PAK2: variants seen among roughly 807,000 people sequenced by gnomAD.
PAK2 encodes the protein serine/threonine-protein kinase PAK 2.
A neutral mutation model predicts 65.9 loss-of-function variants in PAK2; 21 were observed. The observed-to-expected ratio is 0.32, with a 90% CI of 0.23 to 0.46. PAK2 has a LOEUF of 0.46. Among genes scored for constraint, PAK2 ranks in the 20% least tolerant of loss-of-function variants. The pLI, the probability that PAK2 is intolerant of heterozygous loss-of-function variation, is 1.00. For missense variants in PAK2, 324 were observed against 642.6 expected, an observed-to-expected ratio of 0.50 and a Z score of 5.36; for synonymous variants, 204 against 219.7, an observed-to-expected ratio of 0.93 and a Z score of 0.63.
At chr3:196,813,139 G>A (rs1032456761) in intron 10 of PAK2, among the ~76,000 whole-genome samples, 3 of 152,080 alleles carry the variant, frequency 2.0e-5, no homozygotes, top group Non-Finnish European at 2.9e-5. Flanking sequence ...GCTGTGATTC[G>A]TGTCTTGACT....
At chr3:196,758,183 C>G (rs1713829713) in intron 1 of PAK2, among the ~76,000 whole-genome samples, 1 of 152,206 alleles carries the variant, frequency 6.6e-6, no homozygotes, top group Non-Finnish European at 1.5e-5. Context: ...TCACTGGGTC[C>G]TTGCCTGTGG....
rs58175165 is a variant in PAK2, at chr3:196,792,798, G to GAAAA, written c.188-9125_188-9122dup. 3.5e-3 allele frequency among the ~76,000 whole-genome samples: 532 copies of GAAAA among 150,114 alleles called. 3 individuals are homozygous for GAAAA. The highest frequency in any genetic ancestry group is 0.011 in the East Asian group (55 of 5,066). On this transcript the variant is annotated intron_variant, in intron 2 of 14. Coordinates refer to ENST00000327134, the MANE Select transcript of PAK2 (RefSeq NM_002577.4). Reference sequence around the variant, plus strand: ...CTCCCAAGACCCAACTAAAATGACAGAAAAAAATATATATATATACACACA... The same window carrying GAAAA: ...CTCCCAAGACCCAACTAAAATGACAGAAAAAAAAAAATATATATATATACACACA...
At chr3:196,751,577 G>A (rs1309688361) in intron 1 of PAK2, among the ~76,000 whole-genome samples, 2 of 148,776 alleles carry the variant, frequency 1.3e-5, no homozygotes, top group East Asian at 3.9e-4. Context: ...AGCCCAGAGG[G>A]CGGAGGTTGC....
chr3:196,796,326 G>A (rs750989885), intron 2 of PAK2, among the ~76,000 whole-genome samples: 1 of 152,166 alleles, frequency 6.6e-6, no homozygotes, highest in Non-Finnish European at 1.5e-5. Context: ...AAAGTCATTC[G>A]CAAAAGACTG....
At chr3:196,772,058 T>C (rs1420111179) in intron 1 of PAK2, among the ~76,000 whole-genome samples, 1 of 152,224 alleles carries the variant, frequency 6.6e-6, no homozygotes, top group Admixed American at 6.5e-5. Flanking sequence ...TGCTTCTATG[T>C]GTCCTTTGAC....
intron 5 of PAK2, 141 bp from the exon 6 acceptor site, chr3:196,806,438 T>A (rs1577735307): frequency 1.7e-6 from 1 of 582,462 alleles, no homozygotes; most frequent in Non-Finnish European, 3.1e-6. Flanking sequence ...TTCTATTGAG[T>A]TATCTAAGAG....
intron 1 of PAK2, among the ~76,000 whole-genome samples, chr3:196,768,510 A>G (rs1457608908): frequency 6.6e-6 from 1 of 151,288 alleles, no homozygotes; most frequent in Non-Finnish European, 1.5e-5. Context: ...GTATGTATTT[A>G]TTTATTTATT....
chr3:196,779,658 G>C (rs2108737014), intron 1 of PAK2, among the ~76,000 whole-genome samples: 1 of 152,172 alleles, frequency 6.6e-6, no homozygotes, highest in African/African-American at 2.4e-5. Context: ...ATTGTGCCCT[G>C]TTTTTGTTGT....
At chr3:196,811,723 A>T (rs934618592) in intron 8 of PAK2, among the ~76,000 whole-genome samples, 4 of 152,104 alleles carry the variant, frequency 2.6e-5, no homozygotes, top group Non-Finnish European at 5.9e-5. Flanking sequence ...GTGAAATGAA[A>T]CTATATGACG....
intron 1 of PAK2, chr3:196,747,267 G>A (rs181793041): frequency 1.5e-3 from 232 of 151,870 alleles, no homozygotes; most frequent in African/African-American, 5.0e-3. Context: ...TTTTCGATGA[G>A]CGGTAATCGC....
In PAK2 at chr3:196,820,593, G is replaced by T; in HGVS notation, c.1350+26G>T. The stretch of plus-strand genomic sequence containing the variant: ...GTAAGATGAGTTAAACACCAGCCTT[G>T]TTCAATGTTTTTCTTTGAAACTCTT... On this transcript the variant is annotated intron_variant, in intron 13 of 14. Transcript: ENST00000327134. This position sits in a 1 kb window ranked among gnomAD's most constrained non-coding sequence, Gnocchi z 4.6. 1 of 1,290,506 alleles carries T rather than the reference G, an allele frequency of 7.7e-7. No homozygotes were observed. The highest frequency in any genetic ancestry group is 1.5e-5 in the South Asian group (1 of 66,478). The allele number at this position is 1,290,506 out of a possible 1,614,324, so 79.9% of individuals were successfully genotyped here. A position where few individuals can be genotyped will look rare whatever the true frequency, so the allele number is the denominator to read the frequency against.
At chr3:196,750,370 TA>T (rs1038805303) in intron 1 of PAK2, among the ~76,000 whole-genome samples, 1 of 152,166 alleles carries the variant, frequency 6.6e-6, no homozygotes. Context: ...CTTTTGCAGA[TA>T]TTTTTTTTCT....
At position 196,806,638 on chromosome 3, in the gene PAK2, A is replaced by G. The variant is rs756090192; in HGVS notation, c.528A>G (p.Glu176=). 1.2e-6 allele frequency: 2 copies of G among 1,613,356 alleles called. No homozygotes were observed. The highest frequency in any genetic ancestry group is 2.2e-5 in the South Asian group (2 of 91,070). Residue 176 remains glutamate (E), a synonymous_variant, in exon 6 of 15, where the codon GAA becomes GAG. Coordinates refer to ENST00000327134, the MANE Select transcript of PAK2 (RefSeq NM_002577.4). ...AVVTEEEDDD[E]ETAPPVIAPR... is the part of the protein sequence containing the mutation. ...TGACAGAGGAGGAGGATGATGATGA[A>G]GAGACTGCTCCTCCCGTTATTGCCC...
intron 1 of PAK2, among the ~76,000 whole-genome samples, chr3:196,769,725 G>C (rs552533882): frequency 6.6e-6 from 1 of 151,980 alleles, no homozygotes; most frequent in Non-Finnish European, 1.5e-5. Context: ...GCTGAGGCAG[G>C]AGAATTGCTT....
At chr3:196,760,607 A>G (rs1713926356) in intron 1 of PAK2, among the ~76,000 whole-genome samples, 2 of 152,178 alleles carry the variant, frequency 1.3e-5, no homozygotes. Flanking sequence ...AGTAGGCATC[A>G]TCCATGTGCA....
rs950359190 is a variant in PAK2 at position 196,816,993 on chromosome 3, CT to C, written c.1054-1062del. Among the ~76,000 whole-genome samples the C allele has an allele frequency of 1.5e-3, 231 of 152,150 alleles. 2 individuals are homozygous for C. The highest frequency in any genetic ancestry group is 5.1e-3 in the African/African-American group (211 of 41,512). On this transcript the variant is annotated intron_variant, in intron 11 of 14. Coordinates refer to ENST00000327134, the MANE Select transcript of PAK2 (RefSeq NM_002577.4). The stretch of plus-strand genomic sequence containing the variant: ...TAAGTGGAACCAGGCCACCCAGAAT[CT>C]TACCCGCTTCTCAGTGGCTCACATT...
chr3:196,800,883 G>A (rs1715404560), intron 2 of PAK2, among the ~76,000 whole-genome samples: 3 of 152,112 alleles, frequency 2.0e-5, no homozygotes, highest in Admixed American at 2.0e-4. Flanking sequence ...CACATACAGG[G>A]CAGGAGTGAA....
At position 196,820,030 on chromosome 3, in the gene PAK2, C is replaced by A. The variant is rs764372364; in HGVS notation, c.1154-341C>A. Among the ~76,000 whole-genome samples, 7 of 152,154 alleles carry A rather than the reference C, an allele frequency of 4.6e-5. No homozygotes were observed. Among genetic ancestry groups the A allele is most frequent in the Non-Finnish European group, 8.8e-5 (6 of 68,018 alleles). On this transcript the variant is annotated intron_variant, in intron 12 of 14. Transcript: ENST00000327134. This position sits in a 1 kb window ranked among gnomAD's most constrained non-coding sequence, Gnocchi z 4.6. ...TTAAAAGACAAAGTAGTTTCCATGACCTGACCTTTACCTGATTCACTGCAT... is the reference window on the plus strand; with the variant it reads ...TTAAAAGACAAAGTAGTTTCCATGAACTGACCTTTACCTGATTCACTGCAT...
chr3:196,811,299 C>CCCTTCCTTT (rs1715802512), intron 8 of PAK2, among the ~76,000 whole-genome samples: 1 of 35,756 alleles, frequency 2.8e-5, no homozygotes. Context: ...TTCCCTCCCT[C>CCCTTCCTTT]CCTTCCTTCC....
Sources: allele counts gnomAD v4.1 joint callset (sites outside exome capture counted in the v4.1 genomes callset), GRCh38; gene constraint gnomAD v4.1.1; non-coding constraint Gnocchi (gnomAD v3.1); transcripts MANE v1.5; gene names NCBI Gene and HGNC (gene_info 2026-07-23, HGNC 2026-07-21).